PDSS2: variants seen among roughly 807,000 people sequenced by gnomAD.
PDSS2 encodes the protein all trans-polyprenyl-diphosphate synthase PDSS2.
PDSS2 carries 31 observed loss-of-function variants against 44.5 expected under a neutral mutation model. That is an observed-to-expected ratio of 0.70 (90% CI 0.52 to 0.94). PDSS2 has a LOEUF of 0.94. PDSS2 is among the 40% of genes least tolerant of loss of function. PDSS2 has a pLI of 0.00. For missense variants in PDSS2, 452 were observed against 482.2 expected, an observed-to-expected ratio of 0.94 and a Z score of 0.59; for synonymous variants, 157 against 180.3, an observed-to-expected ratio of 0.87 and a Z score of 1.03.
intron 1 of PDSS2, among the ~76,000 whole-genome samples, chr6:107,364,146 C>G (rs28825112): frequency 6.6e-6 from 1 of 152,044 alleles, no homozygotes; most frequent in Non-Finnish European, 1.5e-5. Context: ...AGACTCTCCA[C>G]GTCCCCACCA....
intron 1 of PDSS2, among the ~76,000 whole-genome samples, chr6:107,384,226 G>C (rs754516293): frequency 6.6e-6 from 1 of 152,208 alleles, no homozygotes; most frequent in Admixed American, 6.5e-5. Context: ...GACAGAACTA[G>C]GGGTAGTGGG....
At chr6:107,166,361 G>GTTTTTTTT (rs34385593) in intron 7 of PDSS2, among the ~76,000 whole-genome samples, 1 of 100,942 alleles carries the variant, frequency 9.9e-6, no homozygotes, top group African/African-American at 3.8e-5. Context: ...TTTATTGAGA[G>GTTTTTTTT]TTTTTTTTTT....
chr6:107,370,898 C>CA (rs1251587007), intron 1 of PDSS2, among the ~76,000 whole-genome samples: 1 of 152,058 alleles, frequency 6.6e-6, no homozygotes, highest in Admixed American at 6.6e-5. Flanking sequence ...CAGAAAATGT[C>CA]AACCGGCCAG....
chr6:107,267,947 TA>T (rs1202721715), intron 3 of PDSS2, among the ~76,000 whole-genome samples: 7 of 152,088 alleles, frequency 4.6e-5, no homozygotes, highest in African/African-American at 9.7e-5. Flanking sequence ...CTTTAGCTTT[TA>T]AAAAAATATG....
chr6:107,229,654 T>C (rs1421481676), intron 4 of PDSS2: 2 of 152,226 alleles, frequency 1.3e-5, no homozygotes, highest in Non-Finnish European at 2.9e-5. Flanking sequence ...AGCCCCGATC[T>C]TCCATTGTTA....
intron 4 of PDSS2, among the ~76,000 whole-genome samples, chr6:107,238,694 AT>A (rs1774313988): frequency 6.6e-6 from 1 of 152,210 alleles, no homozygotes; most frequent in Non-Finnish European, 1.5e-5. Flanking sequence ...GGTATTCAGT[AT>A]AAACCATATT....
At chr6:107,341,075 G>A (rs191716651) in intron 1 of PDSS2, among the ~76,000 whole-genome samples, 7 of 152,312 alleles carry the variant, frequency 4.6e-5, no homozygotes, top group African/African-American at 1.7e-4. Context: ...TCTGGCAGGT[G>A]CTATGTTGTG....
intron 1 of PDSS2, among the ~76,000 whole-genome samples, chr6:107,396,561 A>T (rs78551058): frequency 0.018 from 2,799 of 152,258 alleles, 74 homozygotes; most frequent in East Asian, 0.12. Flanking sequence ...CTAAAAGCAA[A>T]GTCCTTTCTC....
intron 1 of PDSS2, among the ~76,000 whole-genome samples, chr6:107,452,429 A>G (rs935742320): frequency 1.3e-5 from 2 of 151,716 alleles, no homozygotes; most frequent in African/African-American, 4.8e-5. Flanking sequence ...ACAGGGTTTC[A>G]CCATGTTAGC....
intron 2 of PDSS2, among the ~76,000 whole-genome samples, chr6:107,281,252 G>A (rs1019255410): frequency 6.6e-6 from 1 of 152,092 alleles, no homozygotes; most frequent in African/African-American, 2.4e-5. Flanking sequence ...TTTAAGCCTG[G>A]TAGAGCAAAA....
intron 2 of PDSS2, among the ~76,000 whole-genome samples, chr6:107,300,549 A>G (rs1582911818): frequency 6.6e-6 from 1 of 152,316 alleles, no homozygotes; most frequent in East Asian, 1.9e-4. Flanking sequence ...GGTGGTAAAA[A>G]GGGCTCACTA....
intron 1 of PDSS2, among the ~76,000 whole-genome samples, chr6:107,408,875 G>A (rs1218654456): frequency 1.3e-5 from 2 of 152,084 alleles, no homozygotes; most frequent in African/African-American, 4.8e-5. Context: ...TCCAAGCTAC[G>A]AAGGAAAATG....
chr6:107,184,580 T>C (rs771203833), intron 7 of PDSS2, among the ~76,000 whole-genome samples: 5 of 152,228 alleles, frequency 3.3e-5, no homozygotes, highest in Non-Finnish European at 2.9e-5. Context: ...AGAATTTTAA[T>C]GTGTGCTCTA....
intron 4 of PDSS2, among the ~76,000 whole-genome samples, chr6:107,228,970 C>T (rs115744787): frequency 1.0e-3 from 156 of 152,160 alleles, no homozygotes; most frequent in African/African-American, 3.7e-3. Context: ...TTTATTAGCT[C>T]ATTAATACAT....
chr6:107,157,700 T>TC (rs1770955026), intron 7 of PDSS2, among the ~76,000 whole-genome samples: 1 of 151,294 alleles, frequency 6.6e-6, no homozygotes, highest in African/African-American at 2.4e-5. Flanking sequence ...AGACAGAGTC[T>TC]CCCTCTATCA....
chr6:107,384,987 C>G (rs1583019874), intron 1 of PDSS2, among the ~76,000 whole-genome samples: 1 of 152,150 alleles, frequency 6.6e-6, no homozygotes, highest in African/African-American at 2.4e-5. Flanking sequence ...ATTTTATACA[C>G]AGTAAGTGCT....
intron 1 of PDSS2, among the ~76,000 whole-genome samples, chr6:107,436,990 T>C (rs936577676): frequency 6.6e-5 from 10 of 152,010 alleles, no homozygotes; most frequent in Admixed American, 1.3e-4. Context: ...ACTGCCTCAG[T>C]GTGGGTTTTT....
chr6:107,191,049 G>A (rs927393327), intron 7 of PDSS2, among the ~76,000 whole-genome samples: 2 of 152,206 alleles, frequency 1.3e-5, no homozygotes, highest in East Asian at 3.9e-4. Flanking sequence ...CCGCCACCAT[G>A]CCCAGCTAAT....
At position 107,241,205 on chromosome 6, in the gene PDSS2, C is replaced by T. The variant is rs555912614; in HGVS notation, c.702+4343G>A. ...CAGAGGTTACAGTGAGCTGAGATCG[C>T]GCCACTGCACTCTAGCCTGGGCAAC... On this transcript the variant is annotated intron_variant, in intron 4 of 7. Coordinates refer to ENST00000369037, the MANE Select transcript of PDSS2 (RefSeq NM_020381.4). 8.1e-4 allele frequency among the ~76,000 whole-genome samples: 116 copies of T among 142,540 alleles called. 2 individuals carry two copies. In the South Asian group the frequency reaches 0.013, roughly 16 times the overall value. 93.5% of individuals were successfully genotyped at this position (142,540 alleles called of 152,430 possible).
Sources: gnomAD v4.1 joint callset for allele counts (sites outside exome capture counted in the v4.1 genomes callset) on GRCh38, gnomAD v4.1.1 for gene constraint, MANE v1.5 for transcripts, NCBI Gene and HGNC (gene_info 2026-07-23, HGNC 2026-07-21) for gene names.